DNAJC1: variants seen among roughly 807,000 people sequenced by gnomAD.
DNAJC1 encodes the protein dnaJ homolog subfamily C member 1.
A neutral mutation model predicts 76.6 loss-of-function variants in DNAJC1; 58 were observed. That is an observed-to-expected ratio of 0.76 (90% CI 0.61 to 0.94). The LOEUF is 0.94. Ranked by LOEUF, DNAJC1 falls within the 40% of genes least tolerant of loss-of-function variation. The pLI is 0.00. For missense variants in DNAJC1, 689 were observed against 677.3 expected (o/e 1.02, Z -0.19); for synonymous variants, 258 against 267.9 (o/e 0.96, Z 0.36).
chr10:21,758,210 A>T (rs1350357825), intron 11 of DNAJC1, among the ~76,000 whole-genome samples: 1 of 152,064 alleles, frequency 6.6e-6, no homozygotes, highest in East Asian at 1.9e-4. Flanking sequence ...AATTTCAATT[A>T]AAAAAAATAA....
At chr10:21,827,981 G>A (rs1315459354) in intron 8 of DNAJC1, among the ~76,000 whole-genome samples, 1 of 152,020 alleles carries the variant, frequency 6.6e-6, no homozygotes, top group East Asian at 1.9e-4. Context: ...ACAGGATATG[G>A]GCATCTTCAA....
intron 1 of DNAJC1, among the ~76,000 whole-genome samples, chr10:22,001,651 G>T (rs1427156969): frequency 6.6e-6 from 1 of 152,158 alleles, no homozygotes; most frequent in African/African-American, 2.4e-5. Flanking sequence ...CACATGCAAA[G>T]CTAGATTACA....
chr10:21,813,155 TCTCTCTCTCTCTCTCTCTCC>T (rs1298119651), intron 8 of DNAJC1, among the ~76,000 whole-genome samples: 70 of 81,054 alleles, frequency 8.6e-4, no homozygotes, highest in South Asian at 2.2e-3. Flanking sequence ...TACTTGTCTC[TCTCTCTCTCTCTCTCTCTCC>T]CTCTCTCTCT....
intron 8 of DNAJC1, among the ~76,000 whole-genome samples, chr10:21,837,844 G>C (rs1466364227): frequency 2.1e-5 from 3 of 141,266 alleles, no homozygotes; most frequent in Admixed American, 6.9e-5. Context: ...GCCCCCGCCT[G>C]GCCAGCCGCC....
intron 8 of DNAJC1, among the ~76,000 whole-genome samples, chr10:21,813,172 CTCCCTCTCTCTCTCT>C (rs1835005031): frequency 1.6e-5 from 1 of 61,382 alleles, no homozygotes; most frequent in Non-Finnish European, 2.9e-5. Flanking sequence ...CTCTCTCTCT[CTCCCTCTCTCTCTCT>C]CTCTCTCTCT....
At chr10:21,867,867 T>G (rs1419614308) in intron 8 of DNAJC1, among the ~76,000 whole-genome samples, 1 of 151,234 alleles carries the variant, frequency 6.6e-6, no homozygotes, top group African/African-American at 2.4e-5. Flanking sequence ...AGGTCAGGAG[T>G]TTGAGACCAG....
At chr10:21,782,153 C>T (rs1239308659) in intron 9 of DNAJC1, among the ~76,000 whole-genome samples, 1 of 151,812 alleles carries the variant, frequency 6.6e-6, no homozygotes, top group African/African-American at 2.4e-5. Flanking sequence ...GCTAGCAAGA[C>T]TAATAAAGAA....
chr10:21,945,531 G>C (rs189993932), intron 1 of DNAJC1, among the ~76,000 whole-genome samples: 1 of 152,244 alleles, frequency 6.6e-6, no homozygotes. Context: ...TCCAAAATAT[G>C]GGAGAAAAGC....
intron 6 of DNAJC1, among the ~76,000 whole-genome samples, chr10:21,907,774 C>A (rs1564823714): frequency 6.6e-6 from 1 of 150,824 alleles, no homozygotes; most frequent in African/African-American, 2.4e-5. Context: ...GGCAGGAGTT[C>A]AAGACTAGCC....
At chr10:21,839,686 G>A (rs1835537715) in intron 8 of DNAJC1, among the ~76,000 whole-genome samples, 2 of 152,132 alleles carry the variant, frequency 1.3e-5, no homozygotes, top group South Asian at 4.2e-4. Context: ...GGAGGAGCTG[G>A]TACCATTCCT....
intron 8 of DNAJC1, among the ~76,000 whole-genome samples, chr10:21,806,381 A>T (rs1476548051): frequency 2.0e-5 from 3 of 152,262 alleles, no homozygotes; most frequent in East Asian, 1.9e-4. Context: ...GACATTTTTT[A>T]AAAAAGACCA....
At chr10:21,862,550 T>C (rs1334379325) in intron 8 of DNAJC1, among the ~76,000 whole-genome samples, 1 of 149,820 alleles carries the variant, frequency 6.7e-6, no homozygotes, top group Non-Finnish European at 1.5e-5. Flanking sequence ...TGCCTCAGCC[T>C]CCCAAGTAGC....
chr10:21,996,745 A>T (rs988742424), intron 1 of DNAJC1, among the ~76,000 whole-genome samples: 1 of 152,236 alleles, frequency 6.6e-6, no homozygotes, highest in Non-Finnish European at 1.5e-5. Context: ...TCTAGATTAT[A>T]TGTGGCAAAA....
At chr10:21,760,158 C>A (rs1468029788) in intron 10 of DNAJC1, among the ~76,000 whole-genome samples, 3 of 152,126 alleles carry the variant, frequency 2.0e-5, no homozygotes, top group African/African-American at 7.2e-5. Context: ...TGGTATACAC[C>A]TGTATTCCTA....
At chr10:21,898,373 T>C (rs1590038952) in intron 7 of DNAJC1, among the ~76,000 whole-genome samples, 1 of 152,168 alleles carries the variant, frequency 6.6e-6, no homozygotes, top group Non-Finnish European at 1.5e-5. Flanking sequence ...CATAAGATTA[T>C]AATGGAGCCA....
chr10:21,821,675 C>T (rs925458412), intron 8 of DNAJC1, among the ~76,000 whole-genome samples: 1 of 152,084 alleles, frequency 6.6e-6, no homozygotes, highest in Admixed American at 6.5e-5. Context: ...TCATGATACT[C>T]AAAATGAACA....
At chr10:21,856,947 G>A (rs1835844500) in intron 8 of DNAJC1, among the ~76,000 whole-genome samples, 1 of 151,932 alleles carries the variant, frequency 6.6e-6, no homozygotes, top group African/African-American at 2.4e-5. Context: ...TGCAGATCAG[G>A]CTGGTCTCGA....
intron 1 of DNAJC1, among the ~76,000 whole-genome samples, chr10:21,983,344 G>A (rs979726762): frequency 1.3e-5 from 2 of 152,164 alleles, no homozygotes; most frequent in African/African-American, 4.8e-5. Flanking sequence ...ATGAAGACAA[G>A]TGAAATAAGC....
At chr10:21,769,021 A>G (rs1197779630) in intron 9 of DNAJC1, among the ~76,000 whole-genome samples, 1 of 152,126 alleles carries the variant, frequency 6.6e-6, no homozygotes, top group Non-Finnish European at 1.5e-5. Context: ...TCATGAGAAT[A>G]TGTCCTAGTT....
Sources: allele counts gnomAD v4.1 joint callset (sites outside exome capture counted in the v4.1 genomes callset), GRCh38; gene constraint gnomAD v4.1.1; transcripts MANE v1.5; gene names NCBI Gene and HGNC (gene_info 2026-07-23, HGNC 2026-07-21).